RGS6: variants seen among roughly 807,000 people sequenced by gnomAD.
The protein encoded by RGS6 is regulator of G protein signaling 6, also known as regulator of G-protein signaling 6.
Under a neutral mutation model 78.5 loss-of-function variants are expected in RGS6, and 30 were observed. That is an observed-to-expected ratio of 0.38 (90% confidence interval 0.29 to 0.52). The LOEUF is 0.52. RGS6 is among the 20% of genes least tolerant of loss of function. The probability of loss-of-function intolerance (pLI) is 0.85; values close to 1 mark genes in which losing one functional copy is unlikely to be tolerated. For missense variants in RGS6, 495 were observed against 609.7 expected, an observed-to-expected ratio of 0.81 and a Z score of 1.98; for synonymous variants, 206 against 206.0, an observed-to-expected ratio of 1.00 and a Z score of 0.00.
chr14:72,209,811 G>T (rs980183220), intron 2 of RGS6, among the ~76,000 whole-genome samples: 1 of 152,160 alleles, frequency 6.6e-6, no homozygotes, highest in Non-Finnish European at 1.5e-5. Flanking sequence ...ATTGTTTTAG[G>T]TTAGTTTCTC....
chr14:71,918,871 C>T, the RGS6 span, among the ~76,000 whole-genome samples: 2 of 151,980 alleles, frequency 1.3e-5, no homozygotes, highest in African/African-American at 4.8e-5. Flanking sequence ...CTAAGATATA[C>T]ATTAAAAAGA....
At chr14:72,258,487 G>A (rs2057506791) in intron 2 of RGS6, among the ~76,000 whole-genome samples, 1 of 152,170 alleles carries the variant, frequency 6.6e-6, no homozygotes. Flanking sequence ...ACAATGCTGT[G>A]ACTTTGGGTG....
intron 15 of RGS6, among the ~76,000 whole-genome samples, chr14:72,532,419 ACAAC>A (rs1430500304): frequency 6.6e-6 from 1 of 152,170 alleles, no homozygotes; most frequent in Non-Finnish European, 1.5e-5. Context: ...CCCTGAAATG[ACAAC>A]TATATTGAAA....
intron 2 of RGS6, among the ~76,000 whole-genome samples, chr14:72,246,217 C>T (rs142698371): frequency 3.9e-5 from 6 of 152,314 alleles, no homozygotes; most frequent in African/African-American, 1.4e-4. Flanking sequence ...AGTGTCAATT[C>T]ATAAGGGTTG....
At chr14:72,362,096 A>T (rs1464188700) in intron 3 of RGS6, among the ~76,000 whole-genome samples, 1 of 152,202 alleles carries the variant, frequency 6.6e-6, no homozygotes, top group Non-Finnish European at 1.5e-5. Context: ...CTTGAGTAAT[A>T]AATGCCTGCT....
At chr14:72,198,672 G>A (rs1214574257) in intron 2 of RGS6, among the ~76,000 whole-genome samples, 1 of 152,258 alleles carries the variant, frequency 6.6e-6, no homozygotes, top group African/African-American at 2.4e-5. Flanking sequence ...ATTTGCAGGT[G>A]GAGAAACAGG....
At chr14:72,100,068 G>T (rs1266109116) in intron 2 of RGS6, among the ~76,000 whole-genome samples, 1 of 152,150 alleles carries the variant, frequency 6.6e-6, no homozygotes, top group Non-Finnish European at 1.5e-5. Flanking sequence ...TGTGTACAGG[G>T]GAGAGTTGCT....
upstream of RGS6, among the ~76,000 whole-genome samples, chr14:71,932,182 T>C (rs1363380815): frequency 6.6e-6 from 1 of 152,216 alleles, no homozygotes; most frequent in Non-Finnish European, 1.5e-5. Context: ...TTTCTAGGTT[T>C]TCTCCTCCTC....
At chr14:72,576,888 C>A in the RGS6 span, among the ~76,000 whole-genome samples, 6 of 152,204 alleles carry the variant, frequency 3.9e-5, no homozygotes, top group Non-Finnish European at 5.9e-5. Flanking sequence ...GTTTGACAGT[C>A]TAATGCTCTG....
At chr14:71,941,849 C>G (rs2090629426) in intron 1 of RGS6, among the ~76,000 whole-genome samples, 1 of 152,194 alleles carries the variant, frequency 6.6e-6, no homozygotes. Context: ...TCAGTGCAAT[C>G]AAGTTGACAC....
At chr14:71,886,955 G>T in the RGS6 span, among the ~76,000 whole-genome samples, 1 of 152,128 alleles carries the variant, frequency 6.6e-6, no homozygotes. Flanking sequence ...TTCAAGATCA[G>T]CCTGGCCAAC....
At chr14:72,520,243 A>G (rs58608807) in intron 15 of RGS6, among the ~76,000 whole-genome samples, 1 of 152,334 alleles carries the variant, frequency 6.6e-6, no homozygotes, top group East Asian at 1.9e-4. Context: ...TTATTTGATG[A>G]AGGATTTAGA....
At chr14:71,907,142 G>A in the RGS6 span, among the ~76,000 whole-genome samples, 2 of 152,226 alleles carry the variant, frequency 1.3e-5, no homozygotes, top group Admixed American at 6.5e-5. Flanking sequence ...TGAAGCAGAT[G>A]TGGTTCCTGC....
intron 15 of RGS6, among the ~76,000 whole-genome samples, chr14:72,528,682 G>A (rs949167773): frequency 2.0e-5 from 3 of 152,178 alleles, no homozygotes; most frequent in Non-Finnish European, 4.4e-5. Context: ...TGGGAAAGGA[G>A]GGAAGAAGAT....
chr14:71,970,799 G>A (rs1346997038), intron 2 of RGS6, among the ~76,000 whole-genome samples: 3 of 152,178 alleles, frequency 2.0e-5, no homozygotes, highest in Non-Finnish European at 4.4e-5. Context: ...CAATTACAGT[G>A]TTGGTAGAAG....
chr14:72,562,376 T>C lies in RGS6; in HGVS notation c.1423-41T>C, dbSNP rs2097687514. The C allele has an allele frequency of 1.9e-6, 3 of 1,586,730 alleles. No individual in the cohort carries two copies. The Admixed American group carries it at 5.0e-5, about 26-fold the overall frequency. On this transcript the variant is annotated intron_variant, in intron 17 of 17. Transcript: ENST00000553525. ...GGCTCTCTGTCTCTGTCCCTCTGTG[T>C]GTGCGCCTGTGCGTGCCTCTCTGTC... is the stretch of plus-strand genomic sequence containing the variant.
At chr14:72,357,117 A>T (rs2080469012) in intron 3 of RGS6, among the ~76,000 whole-genome samples, 1 of 152,062 alleles carries the variant, frequency 6.6e-6, no homozygotes, top group Non-Finnish European at 1.5e-5. Flanking sequence ...CTAAAAGTAC[A>T]AAAATTAGCT....
intron 16 of RGS6, chr14:72,537,405 C>T: frequency 1.4e-6 from 1 of 696,718 alleles, no homozygotes; most frequent in South Asian, 1.5e-5. Flanking sequence ...AACCTGCTCT[C>T]CTGCCCTTGT....
intron 2 of RGS6, among the ~76,000 whole-genome samples, chr14:72,266,897 G>C (rs1297830076): frequency 1.3e-5 from 2 of 152,314 alleles, no homozygotes; most frequent in Admixed American, 1.3e-4. Flanking sequence ...CCAGGGTCTA[G>C]CCAATGGTGG....
Sources: gnomAD v4.1 joint callset for allele counts (sites outside exome capture counted in the v4.1 genomes callset) on GRCh38, gnomAD v4.1.1 for gene constraint, MANE v1.5 for transcripts, NCBI Gene and HGNC (gene_info 2026-07-23, HGNC 2026-07-21) for gene names.